FER: variants seen among roughly 807,000 people sequenced by gnomAD.
The protein encoded by FER is FER tyrosine kinase.
Under a neutral mutation model 111.0 loss-of-function variants are expected in FER, and 63 were observed. That is an observed-to-expected ratio of 0.57 (90% CI 0.46 to 0.70). The LOEUF (loss-of-function observed/expected upper bound fraction) is 0.70, where lower values mean the gene tolerates loss of function less well. Ranked by LOEUF, FER falls within the 30% of genes least tolerant of loss-of-function variation. The pLI, the probability that FER is intolerant of heterozygous loss-of-function variation, is 0.00. For missense variants in FER, 914 were observed against 954.0 expected, an observed-to-expected ratio of 0.96 and a Z score of 0.55; for synonymous variants, 327 against 313.9, an observed-to-expected ratio of 1.04 and a Z score of -0.44.
At chr5:109,116,829 A>G (rs536375247) in intron 17 of FER, among the ~76,000 whole-genome samples, 212 of 152,306 alleles carry the variant, frequency 1.4e-3, no homozygotes, top group Non-Finnish European at 2.4e-3. Flanking sequence ...CACTTTTTGT[A>G]TGAATGAAAA....
chr5:109,138,870 A>G (rs1753195490), intron 17 of FER, among the ~76,000 whole-genome samples: 1 of 152,226 alleles, frequency 6.6e-6, no homozygotes, highest in Admixed American at 6.5e-5. Flanking sequence ...TCAGAAATAG[A>G]ATAAATACAA....
chr5:109,069,413 G>C (rs1260400943), intron 16 of FER, among the ~76,000 whole-genome samples: 1 of 152,138 alleles, frequency 6.6e-6, no homozygotes, highest in Non-Finnish European at 1.5e-5. Flanking sequence ...TCTTTAGAGA[G>C]TTTAAAAACT....
chr5:108,862,440 A>G (rs1489159578), intron 5 of FER, among the ~76,000 whole-genome samples: 5 of 152,214 alleles, frequency 3.3e-5, no homozygotes, highest in Non-Finnish European at 5.9e-5. Context: ...GAGAGGACAG[A>G]TGGGTGGTTT....
At chr5:108,845,039 T>TACACAC (rs1561503222) in intron 5 of FER, among the ~76,000 whole-genome samples, 1 of 52,114 alleles carries the variant, frequency 1.9e-5, no homozygotes, top group South Asian at 6.6e-4. Flanking sequence ...TATATATATA[T>TACACAC]ACATATATAT....
chr5:109,061,002 T>C (rs1407053916), intron 16 of FER, among the ~76,000 whole-genome samples: 2 of 152,180 alleles, frequency 1.3e-5, no homozygotes, highest in African/African-American at 4.8e-5. Flanking sequence ...AACTCTATTC[T>C]AACCTGATAC....
intron 16 of FER, among the ~76,000 whole-genome samples, chr5:109,059,015 C>T (rs1483677798): frequency 6.6e-6 from 1 of 151,658 alleles, no homozygotes; most frequent in Non-Finnish European, 1.5e-5. Flanking sequence ...GGTGGGATTA[C>T]AGGCGTGAGC....
intron 10 of FER, among the ~76,000 whole-genome samples, chr5:108,929,413 C>T (rs1430705273): frequency 6.6e-6 from 1 of 152,060 alleles, no homozygotes; most frequent in African/African-American, 2.4e-5. Flanking sequence ...CCTATCTCAC[C>T]AGATGTTGCT....
At chr5:108,759,759 T>C (rs1176546921) in intron 1 of FER, among the ~76,000 whole-genome samples, 1 of 152,224 alleles carries the variant, frequency 6.6e-6, no homozygotes, top group Non-Finnish European at 1.5e-5. Flanking sequence ...TGTACCAGCA[T>C]TAATCCATTC....
intron 16 of FER, among the ~76,000 whole-genome samples, chr5:109,056,301 C>T (rs1250643979): frequency 6.6e-6 from 1 of 151,932 alleles, no homozygotes. Context: ...TCACGATAGC[C>T]AAGATACGGA....
chr5:108,967,840 A>C (rs1006425635), intron 13 of FER, among the ~76,000 whole-genome samples: 1 of 151,618 alleles, frequency 6.6e-6, no homozygotes, highest in African/African-American at 2.4e-5. Context: ...AAGTGTGCCA[A>C]ATGGGAAGAC....
chr5:108,846,245 C>T (rs1027632906), intron 5 of FER, among the ~76,000 whole-genome samples: 14 of 151,954 alleles, frequency 9.2e-5, no homozygotes, highest in Admixed American at 2.0e-4. Flanking sequence ...TTTGGTTAAG[C>T]TTTTAAAGTA....
intron 5 of FER, among the ~76,000 whole-genome samples, chr5:108,837,738 A>G (rs537646313): frequency 3.3e-5 from 5 of 152,290 alleles, no homozygotes; most frequent in African/African-American, 1.2e-4. Flanking sequence ...CCTAATGCTT[A>G]TATTAGAAAA....
chr5:108,784,445 C>G (rs1754448048), intron 2 of FER: 1 of 153,956 alleles, frequency 6.5e-6, no homozygotes. Context: ...CCCTGACAAC[C>G]AGCAGATTGT....
chr5:108,937,947 G>A (rs1440016859), intron 10 of FER, among the ~76,000 whole-genome samples: 1 of 150,758 alleles, frequency 6.6e-6, no homozygotes, highest in East Asian at 1.9e-4. Context: ...TGAAGGGAGA[G>A]GTTCATCCTT....
chr5:108,905,593 G>A (rs1205450635), intron 10 of FER, among the ~76,000 whole-genome samples: 1 of 152,044 alleles, frequency 6.6e-6, no homozygotes, highest in East Asian at 1.9e-4. Context: ...GGGGTTTTTT[G>A]GGAAAGGTGG....
intron 8 of FER, among the ~76,000 whole-genome samples, chr5:108,878,269 TA>T (rs1195652906): frequency 6.6e-6 from 1 of 152,178 alleles, no homozygotes; most frequent in Non-Finnish European, 1.5e-5. Flanking sequence ...ATGCAGATGA[TA>T]AAATCTATAA....
intron 9 of FER, among the ~76,000 whole-genome samples, chr5:108,884,894 A>G (rs1224542597): frequency 2.6e-5 from 4 of 152,024 alleles, no homozygotes; most frequent in African/African-American, 4.8e-5. Flanking sequence ...AAATTTAGAA[A>G]CTATCTTACT....
intron 17 of FER, among the ~76,000 whole-genome samples, chr5:109,149,199 G>T (rs1754554287): frequency 6.6e-6 from 1 of 152,130 alleles, no homozygotes; most frequent in Non-Finnish European, 1.5e-5. Context: ...TGATTTAAAA[G>T]TCTAAATTTG....
At chr5:108,853,052 A>C (rs866016408) in intron 5 of FER, among the ~76,000 whole-genome samples, 1 of 152,168 alleles carries the variant, frequency 6.6e-6, no homozygotes, top group Non-Finnish European at 1.5e-5. Flanking sequence ...ATTATCTTCT[A>C]TATTTTATCG....
Sources: allele counts gnomAD v4.1 joint callset (sites outside exome capture counted in the v4.1 genomes callset), GRCh38; gene constraint gnomAD v4.1.1; transcripts MANE v1.5; gene names NCBI Gene and HGNC (gene_info 2026-07-23, HGNC 2026-07-21).